The following HOOK1 variants were observed in gnomAD, a reference collection of about 807,000 sequenced individuals.
HOOK1 encodes hook microtubule tethering protein 1, also known as protein Hook homolog 1.
HOOK1 carries 60 observed loss-of-function variants against 112.8 expected under a neutral mutation model. That is an observed-to-expected ratio of 0.53 (90% confidence interval 0.43 to 0.66). HOOK1 has a LOEUF of 0.66. Among genes scored for constraint, HOOK1 ranks in the 30% least tolerant of loss-of-function variants. HOOK1 has a pLI of 0.00. For missense variants in HOOK1, 770 were observed against 856.0 expected, an observed-to-expected ratio of 0.90 and a Z score of 1.25; for synonymous variants, 294 against 283.8, an observed-to-expected ratio of 1.04 and a Z score of -0.36.
chr1:59,818,845 A>T lies in HOOK1; in HGVS notation c.64-3013A>T, dbSNP rs186093802. On this transcript the variant is annotated intron_variant, in intron 1 of 21. Coordinates refer to ENST00000371208, the MANE Select transcript of HOOK1 (RefSeq NM_015888.6). ...CTGGAGGAGGAGAATATGAAAATAA[A>T]GTTGATCCAAGATTGAGTTTTTGTT... Among the ~76,000 whole-genome samples the T allele has an allele frequency of 5.6e-3, 855 of 152,276 alleles. 4 individuals carry two copies. Among genetic ancestry groups the T allele is most frequent in the Non-Finnish European group, 9.9e-3 (672 of 68,020 alleles).
At chr1:59,865,278 A>G (rs1643942250) in intron 18 of HOOK1, 33 bp downstream of exon 18, 1 of 1,292,526 alleles carries the variant, frequency 7.7e-7, no homozygotes, top group Non-Finnish European at 1.1e-6. Flanking sequence ...ATCAGACAAC[A>G]GTATATCTAA....
In HOOK1 at chr1:59,871,052, A is replaced by G. The variant is rs755855335; in HGVS notation, c.1958A>G (p.Lys653Arg). 17 of 1,608,372 alleles carry G rather than the reference A, an allele frequency of 1.1e-5. No homozygotes were observed. The East Asian group carries it at 3.8e-4, about 36-fold the overall frequency. ...ATATCTTTTTTCCAGAGTGAATGCA[A>G]AGTAGCAAAATTCCGTGATTATGAA... ...RRIEILESEC[K>R]VAKFRDYEEK... Residue 653 changes from lysine to arginine, a missense_variant, in exon 21 of 22, where the codon AAA becomes AGA. Physicochemically the swap from Lys to Arg is conservative, Grantham distance 26. Transcript: ENST00000371208.
intron 20 of HOOK1, chr1:59,870,730 C>T (rs1644043103): frequency 5.1e-6 from 1 of 194,420 alleles, no homozygotes; most frequent in African/African-American, 2.4e-5. Flanking sequence ...ACCTAAGCCA[C>T]TCGTTACTTT....
rs1325511797 is a variant in HOOK1 at position 59,814,982 on chromosome 1, G to C, written c.-136G>C. 1.2e-6 allele frequency: 1 copy of C among 837,452 alleles called. No homozygotes were observed. Among genetic ancestry groups the C allele is most frequent in the Non-Finnish European group, 1.8e-6 (1 of 541,938 alleles). The allele number at this position is 837,452 out of a possible 1,614,324, so 51.9% of individuals were successfully genotyped here. On this transcript the variant is annotated 5_prime_UTR_variant, in exon 1 of 22. Coordinates refer to ENST00000371208, the MANE Select transcript of HOOK1 (RefSeq NM_015888.6). ...GGACGCGTCGACAGCGCGAGGGTTC[G>C]CGCGTGAGCTGCGCGGGTCGGGCCT...
chr1:59,862,756 T>TA (rs1195881098), intron 15 of HOOK1, 28 bp from the exon 16 acceptor site: 1 of 1,394,578 alleles, frequency 7.2e-7, no homozygotes, highest in African/African-American at 1.4e-5. Context: ...TCAATACAAG[T>TA]AAATGCTTAT....
chr1:59,862,886 C>T lies in HOOK1; in HGVS notation c.1626+9C>T. On this transcript the variant is annotated intron_variant, in intron 16 of 21. Coordinates refer to ENST00000371208, the MANE Select transcript of HOOK1 (RefSeq NM_015888.6). ...AGTCTGAAGGCGAAAGTGTAAGTAA[C>T]TTAGAAATTATAATAATTCTGCTGT... 3 of 1,494,282 alleles carry T rather than the reference C, an allele frequency of 2.0e-6. No individual in the cohort carries two copies. The highest frequency in any genetic ancestry group is 2.8e-6 in the Non-Finnish European group (3 of 1,071,474). 92.6% of individuals were successfully genotyped at this position (1,494,282 alleles called of 1,614,324 possible).
rs779971338 is a variant in HOOK1, at chr1:59,843,509, T to A, written c.699T>A (p.Asp233Glu). 3.7e-6 allele frequency: 6 copies of A among 1,610,914 alleles called. No homozygotes were observed. The highest frequency in any genetic ancestry group is 1.7e-4 in the Middle Eastern group (1 of 6,058). ...TGAATGAAAAACTTGACCAGTTGGA[T>A]GGCTCTTTTGATGATCCAAACACAG... ...EMMNEKLDQL[D>E]GSFDDPNTVV... Residue 233 changes from aspartate to glutamate, a missense_variant, in exon 9 of 22, where the codon GAT becomes GAA. Physicochemically the swap from Asp to Glu is conservative, Grantham distance 45. Transcript: ENST00000371208.
intron 12 of HOOK1, among the ~76,000 whole-genome samples, chr1:59,850,430 TAA>T (rs1383357062): frequency 6.6e-6 from 1 of 151,436 alleles, no homozygotes; most frequent in Non-Finnish European, 1.5e-5. Flanking sequence ...GTGATGTTTC[TAA>T]AAAAACCACT....
chr1:59,830,022 C>T (rs1208341959), intron 3 of HOOK1, among the ~76,000 whole-genome samples: 1 of 151,838 alleles, frequency 6.6e-6, no homozygotes, highest in African/African-American at 2.4e-5. Context: ...TTTCCAGTTG[C>T]CTTTCTTTTA....
intron 6 of HOOK1, among the ~76,000 whole-genome samples, chr1:59,836,607 A>C (rs2098397854): frequency 6.6e-6 from 1 of 152,166 alleles, no homozygotes; most frequent in African/African-American, 2.4e-5. Context: ...TAGGACTTGT[A>C]TTGAAATTTG....
intron 17 of HOOK1, 119 bp downstream of exon 17, chr1:59,864,785 C>T: frequency 3.0e-6 from 2 of 674,998 alleles, no homozygotes; most frequent in Non-Finnish European, 2.6e-6. Context: ...CTAATTGATA[C>T]ACCTGCTGCA....
chr1:59,840,913 T>C (rs544286093), intron 8 of HOOK1, among the ~76,000 whole-genome samples: 1 of 152,104 alleles, frequency 6.6e-6, no homozygotes, highest in African/African-American at 2.4e-5. Context: ...TGAGCAACAA[T>C]AGTTAATGGT....
chr1:59,830,304 A>T (rs1053134199), intron 3 of HOOK1, among the ~76,000 whole-genome samples: 1 of 152,060 alleles, frequency 6.6e-6, no homozygotes, highest in East Asian at 1.9e-4. Context: ...TAAATCTCTA[A>T]TGATGATTTC....
chr1:59,842,634 A>C (rs1479382120), intron 8 of HOOK1, among the ~76,000 whole-genome samples: 1 of 152,152 alleles, frequency 6.6e-6, no homozygotes, highest in Non-Finnish European at 1.5e-5. Flanking sequence ...ATGGATAGCA[A>C]ACTTATTCAG....
At chr1:59,819,043 C>A (rs1194089902) in intron 1 of HOOK1, among the ~76,000 whole-genome samples, 2 of 151,790 alleles carry the variant, frequency 1.3e-5, no homozygotes, top group Non-Finnish European at 2.9e-5. Context: ...CTGTGGAAAC[C>A]CTGTCTGTCT....
intron 2 of HOOK1, among the ~76,000 whole-genome samples, chr1:59,825,604 A>G (rs531605888): frequency 1.3e-5 from 2 of 152,318 alleles, no homozygotes; most frequent in Middle Eastern, 3.4e-3. Flanking sequence ...TTTACCTTCA[A>G]TTTATACAAG....
At chr1:59,841,464 TG>T (rs1244346638) in intron 8 of HOOK1, among the ~76,000 whole-genome samples, 1 of 152,106 alleles carries the variant, frequency 6.6e-6, no homozygotes, top group Non-Finnish European at 1.5e-5. Flanking sequence ...CTTAGGGCAG[TG>T]GGAGCACTAG....
chr1:59,830,256 T>C (rs2098392814), intron 3 of HOOK1, among the ~76,000 whole-genome samples: 1 of 152,086 alleles, frequency 6.6e-6, no homozygotes, highest in African/African-American at 2.4e-5. Flanking sequence ...CTTATTATAC[T>C]ATGTGTATAG....
chr1:59,815,747 T>C (rs2098380912), intron 1 of HOOK1, among the ~76,000 whole-genome samples: 1 of 152,078 alleles, frequency 6.6e-6, no homozygotes, highest in South Asian at 2.1e-4. Context: ...GAGATGTTTG[T>C]ATTTCCCGTA....
Sources: gnomAD v4.1 joint callset for allele counts (sites outside exome capture counted in the v4.1 genomes callset) on GRCh38, gnomAD v4.1.1 for gene constraint, MANE v1.5 for transcripts, NCBI Gene and HGNC (gene_info 2026-07-23, HGNC 2026-07-21) for gene names.